Variants in NMD3 observed in about 807,000 individuals in gnomAD.
NMD3 encodes the protein NMD3 ribosome export adaptor.
Under a neutral mutation model 73.1 loss-of-function variants are expected in NMD3, and 47 were observed. The observed-to-expected ratio is 0.64, with a 90% CI of 0.51 to 0.82. The LOEUF (loss-of-function observed/expected upper bound fraction) is 0.82. Ranked by LOEUF, NMD3 falls within the 40% of genes least tolerant of loss-of-function variation. NMD3 has a pLI of 0.00. For missense variants in NMD3, 554 were observed against 612.5 expected, an observed-to-expected ratio of 0.90 and a Z score of 1.01; for synonymous variants, 210 against 194.5, an observed-to-expected ratio of 1.08 and a Z score of -0.66.
Position 161,250,344 on chromosome 3 carries a change from G to GT in NMD3, c.1381+21dup. ...TTACAGAGGTTGGTGTTCTAGGAGT[G>GT]TTTAAGTCATTTGTTCTGTATATAA... On this transcript the variant is annotated intron_variant, in intron 15 of 15. Coordinates refer to ENST00000351193, the MANE Select transcript of NMD3 (RefSeq NM_015938.5). 6.7e-7 allele frequency: 1 copy of GT among 1,500,528 alleles called. No individual in the cohort carries two copies. The highest frequency in any genetic ancestry group is 9.3e-7 in the Non-Finnish European group (1 of 1,080,640). 93.0% of individuals were successfully genotyped at this position (1,500,528 alleles called of 1,614,324 possible).
At chr3:161,253,349 A>G (rs770801610), downstream of NMD3, 2 of 152,150 alleles carry the variant, frequency 1.3e-5, no homozygotes, top group African/African-American at 2.4e-5. Context: ...TTCCAGCCCA[A>G]GGAATGTTTA....
In NMD3 at chr3:161,234,820, G is replaced by A; in HGVS notation, c.451G>A (p.Asp151Asn). 1 of 1,613,476 alleles carries A rather than the reference G, an allele frequency of 6.2e-7. No homozygotes were observed. ...AGATTGCCATAGAGTAGAAGCTAAG[G>A]ATTTCTGGAAGGCTGTGATTCAAGT... ...CGDCHRVEAK[D>N]FWKAVIQVRQ... Residue 151 changes from aspartate to asparagine, a missense_variant, in exon 6 of 16, where the codon GAT becomes AAT. Transcript: ENST00000351193.
chr3:161,239,454 A>G (rs1008013132), intron 9 of NMD3, among the ~76,000 whole-genome samples: 1 of 152,212 alleles, frequency 6.6e-6, no homozygotes, highest in Non-Finnish European at 1.5e-5. Flanking sequence ...AAGAATTTAT[A>G]TGTCAGTATT....
rs1737014047 is a variant in NMD3 at position 161,242,271 on chromosome 3, A to G, written c.872-237A>G. On this transcript the variant is annotated intron_variant, in intron 10 of 15. Transcript: ENST00000351193. ...CTTAAGAGGCACTTAGCCCTGTGGC[A>G]TTCTGGTTATAGTAACTATTTAAGA... 2.0e-5 allele frequency among the ~76,000 whole-genome samples: 3 copies of G among 152,120 alleles called. No individual in the cohort carries two copies. The South Asian group carries it at 6.2e-4, about 31-fold the overall frequency.
rs373682825 is a variant in NMD3, at chr3:161,221,686, A to G, written c.-21+277A>G. On this transcript the variant is annotated intron_variant, in intron 1 of 15. Transcript: ENST00000351193. ...GAGGGCCCGGGCGTCCACAATCCCG[A>G]GCTGACCTCGCCCTTGGTCGTCCAG... The G allele has an allele frequency of 4.0e-4, 82 of 205,560 alleles. No individual in the cohort carries two copies. In the East Asian group the frequency reaches 6.0e-3, roughly 15 times the overall value. The allele number at this position is 205,560 out of a possible 1,614,324, so 12.7% of individuals were successfully genotyped here.
At chr3:161,249,008 A>T (rs955243658) in intron 13 of NMD3, among the ~76,000 whole-genome samples, 1 of 152,218 alleles carries the variant, frequency 6.6e-6, no homozygotes, top group Non-Finnish European at 1.5e-5. Flanking sequence ...AATTATTTTC[A>T]TTCTATAATT....
intron 4 of NMD3, among the ~76,000 whole-genome samples, chr3:161,231,319 T>C (rs1452617393): frequency 6.6e-6 from 1 of 152,100 alleles, no homozygotes; most frequent in Non-Finnish European, 1.5e-5. Context: ...GTAGGATGTT[T>C]GGAATTGATA....
intron 5 of NMD3, 127 bp from the exon 6 acceptor site, chr3:161,234,600 A>G: frequency 1.5e-6 from 1 of 656,744 alleles, no homozygotes; most frequent in Non-Finnish European, 2.5e-6. Flanking sequence ...ATTTGAGGAC[A>G]TTTGATTGAT....
chr3:161,252,585 A>G (rs562128297), downstream of NMD3, among the ~76,000 whole-genome samples: 78 of 152,300 alleles, frequency 5.1e-4, no homozygotes, highest in Non-Finnish European at 9.1e-4. Flanking sequence ...ACCTTGATAA[A>G]TCTACCATAC....
At chr3:161,247,456 A>G in intron 13 of NMD3, 126 bp downstream of exon 13, 1 of 540,468 alleles carries the variant, frequency 1.9e-6, no homozygotes, top group Non-Finnish European at 3.2e-6. Flanking sequence ...GAAACTGCAG[A>G]TAAGGTATAA....
At chr3:161,241,024 A>C (rs374148760) in intron 9 of NMD3, 22 bp from the exon 10 acceptor site, 5 of 1,470,342 alleles carry the variant, frequency 3.4e-6, no homozygotes, top group Non-Finnish European at 4.8e-6. Context: ...GCCTCATTCT[A>C]AATGTTAGTT....
Position 161,234,671 on chromosome 3 carries a change from A to C in NMD3, c.358-56A>C. ...AATATTAAAGGTTCTTCTTTAAAGA[A>C]AATATTTGTTATTAAACAAAACCAA... On this transcript the variant is annotated intron_variant, in intron 5 of 15. Coordinates refer to ENST00000351193, the MANE Select transcript of NMD3 (RefSeq NM_015938.5). 2.7e-6 allele frequency: 4 copies of C among 1,469,278 alleles called. 1 individual carries two copies. The South Asian group carries it at 5.2e-5, about 19-fold the overall frequency. The allele number at this position is 1,469,278 out of a possible 1,614,324, so 91.0% of individuals were successfully genotyped here.
At chr3:161,223,426 A>G (rs1341981214) in intron 2 of NMD3, among the ~76,000 whole-genome samples, 2 of 151,800 alleles carry the variant, frequency 1.3e-5, no homozygotes, top group Non-Finnish European at 2.9e-5. Context: ...CTAGATGTTG[A>G]TAGACTTCCT....
chr3:161,235,110 T>C lies in NMD3; in HGVS notation c.487-12T>C. The C allele has an allele frequency of 7.5e-7, 1 of 1,335,436 alleles. No individual in the cohort carries two copies. Among genetic ancestry groups the C allele is most frequent in the South Asian group, 1.3e-5 (1 of 77,826 alleles). 82.7% of individuals were successfully genotyped at this position (1,335,436 alleles called of 1,614,324 possible). A position where few individuals can be genotyped will look rare whatever the true frequency, so the allele number is the denominator to read the frequency against. ...TGTGGGGCATTTATTGATCAAATAA[T>C]TTATATTTTAGACTTTGCATAAAAA... On this transcript the variant is annotated splice_polypyrimidine_tract_variant and intron_variant, in intron 6 of 15. Coordinates refer to ENST00000351193, the MANE Select transcript of NMD3 (RefSeq NM_015938.5).
chr3:161,227,121 T>G, intron 3 of NMD3, 126 bp from the exon 4 acceptor site: 1 of 569,732 alleles, frequency 1.8e-6, no homozygotes, highest in East Asian at 3.1e-5. Context: ...TTGAGTTAAG[T>G]GCTTCATATC....
rs764650083 is a variant in NMD3 at position 161,247,316 on chromosome 3, A to G, written c.1189A>G (p.Arg397Gly). 3.1e-6 allele frequency: 5 copies of G among 1,605,604 alleles called. No individual in the cohort carries two copies. Among genetic ancestry groups the G allele is most frequent in the South Asian group, 2.2e-5 (2 of 90,922 alleles). ...DEHVNKMNSD[R>G]VPDVVLIKKS... ...GCATGTCAACAAAATGAACTCAGAT[A>G]GAGTTCCAGATGTGGTAAGGCTTTA... Residue 397 changes from arginine to glycine, a missense_variant, in exon 13 of 16, where the codon AGA becomes GGA. Arg to Gly is a moderately radical substitution (Grantham distance 125). Coordinates refer to ENST00000351193, the MANE Select transcript of NMD3 (RefSeq NM_015938.5).
At chr3:161,232,136 C>CTTTT (rs11301799) in intron 4 of NMD3, among the ~76,000 whole-genome samples, 5 of 96,406 alleles carry the variant, frequency 5.2e-5, no homozygotes, top group South Asian at 3.4e-4. Context: ...GCCTTTGGGG[C>CTTTT]TTTTTTTTTT....
chr3:161,246,223 TTC>T (rs972562976), intron 11 of NMD3, 111 bp from the exon 12 acceptor site: 4 of 419,930 alleles, frequency 9.5e-6, no homozygotes, highest in South Asian at 2.0e-4. Flanking sequence ...ACAAAAAATT[TTC>T]TGTCTTTAAA....
At chr3:161,235,727 C>T (rs1392997142) in intron 7 of NMD3, among the ~76,000 whole-genome samples, 1 of 152,200 alleles carries the variant, frequency 6.6e-6, no homozygotes, top group East Asian at 1.9e-4. Flanking sequence ...ATGATATTCA[C>T]CTCTCAGGTA....
Sources: allele counts gnomAD v4.1 joint callset (sites outside exome capture counted in the v4.1 genomes callset), GRCh38; gene constraint gnomAD v4.1.1; transcripts MANE v1.5; gene names NCBI Gene and HGNC (gene_info 2026-07-23, HGNC 2026-07-21).